The following TTC13 variants were observed in gnomAD, a reference collection of about 807,000 sequenced individuals.
The protein encoded by TTC13 is tetratricopeptide repeat domain 13.
TTC13 carries 62 observed loss-of-function variants against 120.0 expected under a neutral mutation model. The ratio of observed to expected loss-of-function variants is 0.52; its 90% CI spans 0.42 to 0.64. TTC13 has a LOEUF of 0.64. TTC13 is among the 30% of genes least tolerant of loss of function. The probability of loss-of-function intolerance (pLI) is 0.00; values close to 1 mark genes in which losing one functional copy is unlikely to be tolerated. For missense variants in TTC13, 824 were observed against 1,050.2 expected (o/e 0.78, Z 2.98); for synonymous variants, 384 against 393.5 (o/e 0.98, Z 0.28).
intron 4 of TTC13, among the ~76,000 whole-genome samples, chr1:230,949,056 A>AT (rs1675282001): frequency 6.6e-6 from 1 of 151,866 alleles, no homozygotes; most frequent in Admixed American, 6.6e-5. Context: ...TTCCACAATT[A>AT]TTTACTCAGG....
At chr1:230,929,235 T>A in intron 11 of TTC13, 142 bp from the exon 12 acceptor site, 1 of 835,100 alleles carries the variant, frequency 1.2e-6, no homozygotes, top group Non-Finnish European at 1.8e-6. Context: ...AGTAAGTCAC[T>A]ATTAGTATAT....
intron 1 of TTC13, 100 bp from the exon 2 acceptor site, chr1:230,961,403 A>G: frequency 1.2e-6 from 1 of 840,220 alleles, no homozygotes; most frequent in East Asian, 2.7e-5. Flanking sequence ...AACCAAAATA[A>G]GAACAGGTGT....
At chr1:230,974,930 A>G (rs2103016430) in intron 1 of TTC13, among the ~76,000 whole-genome samples, 1 of 152,382 alleles carries the variant, frequency 6.6e-6, no homozygotes, top group South Asian at 2.1e-4. Flanking sequence ...TTGAAGTTAT[A>G]GGACTTCATC....
intron 8 of TTC13, chr1:230,936,250 G>A (rs1674046342): frequency 2.2e-6 from 1 of 456,158 alleles, no homozygotes; most frequent in South Asian, 1.5e-5. Flanking sequence ...TCACTGCACA[G>A]CTCTCTACCT....
At chr1:230,934,881 T>C (rs1673895653) in intron 8 of TTC13, among the ~76,000 whole-genome samples, 1 of 152,220 alleles carries the variant, frequency 6.6e-6, no homozygotes, top group Non-Finnish European at 1.5e-5. Flanking sequence ...TCAATAAATA[T>C]TTAATGATTT....
chr1:230,925,603 T>C lies in TTC13; in HGVS notation c.1502A>G (p.Gln501Arg). The change falls in exon 13 of 23, where the codon CAG becomes CGG. Residue 501 changes from glutamine to arginine, a missense_variant. Coordinates refer to ENST00000366661, the MANE Select transcript of TTC13 (RefSeq NM_024525.5). Reference sequence around the variant, plus strand: ...ACGATCAGCCACACAAATCAGCTCCTGTACTTCAGGCTTATAACTCTCAAA... The same window carrying C: ...ACGATCAGCCACACAAATCAGCTCCCGTACTTCAGGCTTATAACTCTCAAA... ...QNFESYKPEVQELICVADRLG... is the reference protein window; with the variant it reads ...QNFESYKPEVRELICVADRLG... The C allele has an allele frequency of 1.2e-6, 2 of 1,614,116 alleles. No homozygotes were observed. Among genetic ancestry groups the C allele is most frequent in the Non-Finnish European group, 1.7e-6 (2 of 1,179,960 alleles).
chr1:230,925,532 T>C lies in TTC13; in HGVS notation c.1573A>G (p.Lys525Glu), dbSNP rs1226659405. 1.2e-6 allele frequency: 2 copies of C among 1,614,014 alleles called. No individual in the cohort carries two copies. The highest frequency in any genetic ancestry group is 2.7e-5 in the African/African-American group (2 of 74,932). Residue 525 changes from lysine (K) to glutamate (E), a missense_variant, in exon 13 of 23, where the codon AAG becomes GAG. Lys to Glu is a moderately conservative substitution (Grantham distance 56). Around this residue, in one of 4 missense-constraint regions of TTC13, gnomAD observed 430 missense variants for 626.8 expected, o/e 0.69. Transcript: ENST00000366661. Reference sequence around the variant, plus strand: ...TCCAGAATACCTCTGTGTATTCTCTTGTTTGGCAGGAAACCAGGTGTTTCA... The same window carrying C: ...TCCAGAATACCTCTGTGTATTCTCTCGTTTGGCAGGAAACCAGGTGTTTCA... The part of the protein sequence containing the change: ...QYETPGFLPN[K>E]RIHRAMGLAA...
intron 1 of TTC13, among the ~76,000 whole-genome samples, chr1:230,975,745 T>C (rs752787365): frequency 4.6e-5 from 7 of 152,170 alleles, no homozygotes; most frequent in Non-Finnish European, 1.0e-4. Context: ...TCAGGAAACA[T>C]GCAAAGCTCA....
At chr1:230,917,881 G>A (rs540743393) in intron 17 of TTC13, among the ~76,000 whole-genome samples, 2 of 152,334 alleles carry the variant, frequency 1.3e-5, no homozygotes, top group African/African-American at 4.8e-5. Context: ...GGCAGCTGAA[G>A]AGCCCTCACA....
At chr1:230,931,983 T>C in intron 9 of TTC13, 106 bp from the exon 10 acceptor site, 9 of 1,107,514 alleles carry the variant, frequency 8.1e-6, no homozygotes, top group South Asian at 1.5e-5. Context: ...GATACCTTGA[T>C]GGGAGTGTTC....
intron 12 of TTC13, 85 bp downstream of exon 12, chr1:230,928,852 A>G: frequency 2.8e-6 from 4 of 1,424,724 alleles, no homozygotes; most frequent in South Asian, 1.3e-5. Flanking sequence ...CCTCCCAAGT[A>G]GCAGGGAGTA....
At chr1:230,922,458 C>T (rs1322906907) in intron 15 of TTC13, among the ~76,000 whole-genome samples, 1 of 152,192 alleles carries the variant, frequency 6.6e-6, no homozygotes. Context: ...TGTTACTTCT[C>T]TGCTTATAAT....
chr1:230,936,282 T>C (rs1233913026), intron 8 of TTC13: 1 of 454,684 alleles, frequency 2.2e-6, no homozygotes, highest in South Asian at 1.6e-5. Context: ...AGAGGGGACA[T>C]AGTAGAATCA....
At position 230,931,776 on chromosome 1, in the gene TTC13, T is replaced by C; in HGVS notation, c.1085A>G (p.Tyr362Cys). ...QTLQLRGMMLYHHGSLQEALK... is the reference protein window; with the variant it reads ...QTLQLRGMMLCHHGSLQEALK... ...GGCTTCCTGTAAGCTGCCGTGGTGG[T>C]AGAGCATCATTCCCCGGAGCTGGAG... is the stretch of plus-strand genomic sequence containing the variant. The change falls in exon 10 of 23, where the codon TAC (tyrosine) becomes TGC (cysteine). Residue 362 changes from tyrosine to cysteine, a missense_variant. Tyr to Cys is a radical substitution (Grantham distance 194, BLOSUM62 -2). Transcript: ENST00000366661. 6.2e-7 allele frequency: 1 copy of C among 1,614,172 alleles called. No homozygotes were observed. The highest frequency in any genetic ancestry group is 8.5e-7 in the Non-Finnish European group (1 of 1,180,026).
At chr1:230,955,332 T>C (rs1273365455) in intron 3 of TTC13, among the ~76,000 whole-genome samples, 1 of 152,170 alleles carries the variant, frequency 6.6e-6, no homozygotes, top group African/African-American at 2.4e-5. Flanking sequence ...TGAAAACTTT[T>C]ACTGTCATTA....
At chr1:230,973,538 T>C (rs929634609) in intron 1 of TTC13, among the ~76,000 whole-genome samples, 1 of 152,156 alleles carries the variant, frequency 6.6e-6, no homozygotes, top group Non-Finnish European at 1.5e-5. Context: ...AGACATCAAG[T>C]ACAGGGCTGC....
At chr1:230,911,923 GT>G (rs1216757933) in intron 19 of TTC13, among the ~76,000 whole-genome samples, 1 of 152,126 alleles carries the variant, frequency 6.6e-6, no homozygotes, top group Non-Finnish European at 1.5e-5. Flanking sequence ...AAAGATCTGG[GT>G]AAGCCCCTTC....
chr1:230,939,611 G>T (rs766422136), intron 7 of TTC13, 115 bp from the exon 8 acceptor site: 14 of 589,264 alleles, frequency 2.4e-5, no homozygotes, highest in African/African-American at 3.7e-5. Context: ...GCCCTTTTTG[G>T]CTTTAAAGGA....
At chr1:230,937,647 T>C (rs946888039) in intron 8 of TTC13, among the ~76,000 whole-genome samples, 2 of 152,230 alleles carry the variant, frequency 1.3e-5, no homozygotes, top group African/African-American at 4.8e-5. Context: ...GTTTATGAAA[T>C]AGAATCTGCA....
Sources: allele counts gnomAD v4.1 joint callset (sites outside exome capture counted in the v4.1 genomes callset), GRCh38; gene constraint gnomAD v4.1.1; regional missense constraint gnomAD v4.1.1; transcripts MANE v1.5; gene names NCBI Gene and HGNC (gene_info 2026-07-23, HGNC 2026-07-21).